The following PPM1H variants were observed in gnomAD, a reference collection of about 807,000 sequenced individuals.
PPM1H encodes protein phosphatase, Mg2+/Mn2+ dependent 1H, also known as protein phosphatase 1H.
A neutral mutation model predicts 54.9 loss-of-function variants in PPM1H; 27 were observed. The ratio of observed to expected loss-of-function variants is 0.49; its 90% confidence interval spans 0.36 to 0.68. PPM1H has a LOEUF of 0.68. Among genes scored for constraint, PPM1H ranks in the 30% least tolerant of loss-of-function variants. PPM1H has a pLI of 0.00. For synonymous variants in PPM1H, 305 were observed against 270.8 expected (o/e 1.13, Z -1.24); for missense variants, 596 against 667.8 (o/e 0.89, Z 1.19).
intron 1 of PPM1H, among the ~76,000 whole-genome samples, chr12:62,834,866 T>A (rs747352422): frequency 6.6e-6 from 1 of 152,026 alleles, no homozygotes; most frequent in Non-Finnish European, 1.5e-5. Flanking sequence ...CCAAGCAACA[T>A]GTTTGGGGTG....
chr12:62,800,328 T>G (rs2076759838), intron 3 of PPM1H, among the ~76,000 whole-genome samples: 1 of 131,478 alleles, frequency 7.6e-6, no homozygotes, highest in Non-Finnish European at 1.8e-5. Context: ...TCTCCAGGTT[T>G]TTTTTTTTTG....
intron 5 of PPM1H, among the ~76,000 whole-genome samples, chr12:62,727,008 G>A (rs965427023): frequency 2.0e-5 from 3 of 151,994 alleles, no homozygotes; most frequent in African/African-American, 2.4e-5. Flanking sequence ...TCCGCCTCCT[G>A]GGTTCAAGCA....
chr12:62,680,374 G>T (rs2076013071), intron 8 of PPM1H, among the ~76,000 whole-genome samples: 1 of 150,278 alleles, frequency 6.7e-6, no homozygotes, highest in African/African-American at 2.5e-5. Flanking sequence ...TCAAGATGGG[G>T]TATCACCTAT....
chr12:62,886,823 T>A (rs1274150107), intron 1 of PPM1H, among the ~76,000 whole-genome samples: 2 of 152,228 alleles, frequency 1.3e-5, no homozygotes, highest in Non-Finnish European at 2.9e-5. Flanking sequence ...GAAAGCCTGG[T>A]AAGGGCCAGA....
intron 1 of PPM1H, among the ~76,000 whole-genome samples, chr12:62,869,657 C>T (rs1869909487): frequency 6.6e-6 from 1 of 152,194 alleles, no homozygotes; most frequent in African/African-American, 2.4e-5. Context: ...CCATCTCCCG[C>T]TCAAAGTCCT....
chr12:62,914,532 A>C (rs1296107306), intron 1 of PPM1H, among the ~76,000 whole-genome samples: 2 of 152,210 alleles, frequency 1.3e-5, no homozygotes, highest in African/African-American at 4.8e-5. Flanking sequence ...ATGACTTAGC[A>C]CATCTGTGGG....
intron 5 of PPM1H, among the ~76,000 whole-genome samples, chr12:62,730,346 A>G (rs1232526407): frequency 2.0e-5 from 3 of 152,204 alleles, no homozygotes; most frequent in African/African-American, 7.2e-5. Flanking sequence ...TGTTAGGTAC[A>G]CACTTAGGAG....
chr12:62,862,074 C>T (rs1407953802), intron 1 of PPM1H, among the ~76,000 whole-genome samples: 1 of 152,206 alleles, frequency 6.6e-6, no homozygotes, highest in East Asian at 1.9e-4. Context: ...AGATCTAATA[C>T]ACCAAATTGC....
At chr12:62,778,155 T>C (rs1259610170) in intron 4 of PPM1H, among the ~76,000 whole-genome samples, 1 of 152,216 alleles carries the variant, frequency 6.6e-6, no homozygotes, top group Non-Finnish European at 1.5e-5. Flanking sequence ...ATGATAGTGA[T>C]ATCCAAGTTG....
intron 1 of PPM1H, among the ~76,000 whole-genome samples, chr12:62,886,818 C>G (rs1350831723): frequency 2.0e-5 from 3 of 152,152 alleles, no homozygotes; most frequent in African/African-American, 4.8e-5. Flanking sequence ...CATGAGAAAG[C>G]CTGGTAAGGG....
chr12:62,872,335 A>G (rs755036962), intron 1 of PPM1H, among the ~76,000 whole-genome samples: 3 of 152,228 alleles, frequency 2.0e-5, no homozygotes, highest in Non-Finnish European at 4.4e-5. Flanking sequence ...AGCAACCAAG[A>G]TATAACACTA....
intron 5 of PPM1H, among the ~76,000 whole-genome samples, chr12:62,733,413 C>A (rs770098963): frequency 1.3e-5 from 2 of 152,090 alleles, no homozygotes; most frequent in African/African-American, 4.8e-5. Context: ...TGCCACCATA[C>A]CCAGCTGATT....
chr12:62,819,062 C>T (rs569808667), intron 2 of PPM1H, among the ~76,000 whole-genome samples: 37 of 151,814 alleles, frequency 2.4e-4, no homozygotes, highest in African/African-American at 8.7e-4. Flanking sequence ...CTCAGGGAAT[C>T]CACCTTGCCT....
intron 1 of PPM1H, among the ~76,000 whole-genome samples, chr12:62,910,869 T>C (rs1592667198): frequency 6.6e-6 from 1 of 152,184 alleles, no homozygotes; most frequent in African/African-American, 2.4e-5. Context: ...CTTACTCTAG[T>C]TCAGAATACA....
At chr12:62,685,279 A>G (rs1369254772) in intron 8 of PPM1H, among the ~76,000 whole-genome samples, 2 of 152,150 alleles carry the variant, frequency 1.3e-5, no homozygotes, top group Admixed American at 6.5e-5. Context: ...GGCCAATAGT[A>G]TTTCTCTGGG....
Position 62,646,919 on chromosome 12 carries a change from C to G in PPM1H, c.*1570G>C, listed in dbSNP as rs1366450087. On this transcript the variant is annotated 3_prime_UTR_variant, in exon 10 of 10. Transcript: ENST00000228705. ...GAAGAAATTCAAACAAATATGAGAA[C>G]TGGAATTAGCTCTCTAGCATGCTGG... The G allele has an allele frequency of 6.6e-6, 1 of 152,188 alleles. No individual in the cohort carries two copies. The highest frequency in any genetic ancestry group is 1.5e-5 in the Non-Finnish European group (1 of 68,044). The allele number at this position is 152,188 out of a possible 1,614,324, so 9.4% of individuals were successfully genotyped here.
At chr12:62,778,198 A>G (rs1013623667) in intron 4 of PPM1H, among the ~76,000 whole-genome samples, 1 of 152,252 alleles carries the variant, frequency 6.6e-6, no homozygotes, top group Non-Finnish European at 1.5e-5. Context: ...AAAATGTATC[A>G]AAAACTGAAT....
chr12:62,748,790 A>G (rs144724916), intron 4 of PPM1H, among the ~76,000 whole-genome samples: 59 of 152,296 alleles, frequency 3.9e-4, no homozygotes, highest in African/African-American at 1.3e-3. Context: ...TGGCAGAAAC[A>G]GCACCAGCAC....
At chr12:62,649,321 A>T (rs917156037) in intron 9 of PPM1H, among the ~76,000 whole-genome samples, 1 of 151,884 alleles carries the variant, frequency 6.6e-6, no homozygotes, top group Non-Finnish European at 1.5e-5. Context: ...TCAGCAAGGG[A>T]TCCCTTAAGA....
Sources: gnomAD v4.1 joint callset for allele counts (sites outside exome capture counted in the v4.1 genomes callset) on GRCh38, gnomAD v4.1.1 for gene constraint, MANE v1.5 for transcripts, NCBI Gene and HGNC (gene_info 2026-07-23, HGNC 2026-07-21) for gene names.